The following MCTP2 variants were observed in gnomAD, a reference collection of about 807,000 sequenced individuals.
The protein encoded by MCTP2 is multiple C2 and transmembrane domain containing 2, also known as multiple C2 and transmembrane domain-containing protein 2.
Under a neutral mutation model 111.6 loss-of-function variants are expected in MCTP2, and 132 were observed. That is an observed-to-expected ratio of 1.18 (90% CI 1.03 to 1.37). The LOEUF (loss-of-function observed/expected upper bound fraction) is 1.37, where lower values mean the gene tolerates loss of function less well. Ranked by LOEUF, MCTP2 falls within the 40% of genes most tolerant of loss-of-function variation. The probability of loss-of-function intolerance (pLI) is 0.00; values close to 1 mark genes in which losing one functional copy is unlikely to be tolerated. For synonymous variants in MCTP2, 395 were observed against 387.7 expected, an observed-to-expected ratio of 1.02 and a Z score of -0.22; for missense variants, 1,183 against 1,067.9, an observed-to-expected ratio of 1.11 and a Z score of -1.50.
chr15:94,437,478 G>A (rs146097572), intron 17 of MCTP2, among the ~76,000 whole-genome samples: 249 of 151,932 alleles, frequency 1.6e-3, no homozygotes, highest in Non-Finnish European at 2.9e-3. Context: ...TGGAAAATCA[G>A]TACAGTGAAA....
chr15:94,295,855 C>T (rs1346667864), intron 1 of MCTP2, among the ~76,000 whole-genome samples: 1 of 150,944 alleles, frequency 6.6e-6, no homozygotes, highest in African/African-American at 2.4e-5. Context: ...TTCGAGGCCG[C>T]AGTGAGCTGT....
intron 14 of MCTP2, among the ~76,000 whole-genome samples, chr15:94,385,873 T>G (rs1407054621): frequency 6.6e-6 from 1 of 152,236 alleles, no homozygotes; most frequent in Non-Finnish European, 1.5e-5. Context: ...AAAACACACA[T>G]GTATTTCTTT....
At chr15:94,368,395 A>T (rs1567545315) in intron 11 of MCTP2, among the ~76,000 whole-genome samples, 1 of 152,194 alleles carries the variant, frequency 6.6e-6, no homozygotes, top group African/African-American at 2.4e-5. Flanking sequence ...CTGGCTTTCT[A>T]GGTGCCTTTA....
intron 19 of MCTP2, among the ~76,000 whole-genome samples, chr15:94,445,294 A>G (rs898844760): frequency 6.6e-6 from 1 of 152,168 alleles, no homozygotes; most frequent in Non-Finnish European, 1.5e-5. Flanking sequence ...TTTTTATTAT[A>G]GTATTTGAAT....
intron 14 of MCTP2, 40 bp from the exon 15 acceptor site, chr15:94,398,921 A>G (rs757509773): frequency 8.0e-7 from 1 of 1,248,084 alleles, no homozygotes; most frequent in African/African-American, 1.5e-5. Flanking sequence ...CCACATAGTA[A>G]TTTTGCACCA....
At chr15:94,233,329 A>G (rs966542160) in intron 1 of MCTP2, among the ~76,000 whole-genome samples, 3 of 152,088 alleles carry the variant, frequency 2.0e-5, no homozygotes, top group Admixed American at 2.0e-4. Context: ...AAAATTTATT[A>G]TGTCTCTTAA....
At chr15:94,313,876 C>A (rs944197350) in intron 2 of MCTP2, among the ~76,000 whole-genome samples, 2 of 152,204 alleles carry the variant, frequency 1.3e-5, no homozygotes, top group Non-Finnish European at 2.9e-5. Flanking sequence ...TCCTTCCGAA[C>A]GGACATGCTC....
chr15:94,428,668 C>T (rs1257225104), intron 17 of MCTP2, among the ~76,000 whole-genome samples: 1 of 152,072 alleles, frequency 6.6e-6, no homozygotes, highest in East Asian at 1.9e-4. Context: ...GTGTCTTAAC[C>T]TCACTTGTAT....
At chr15:94,429,386 G>C (rs112385267) in intron 17 of MCTP2, among the ~76,000 whole-genome samples, 2,541 of 152,198 alleles carry the variant, frequency 0.017, 83 homozygotes, top group African/African-American at 0.058. Flanking sequence ...CTTTCAAAGA[G>C]TTATGTCTCC....
chr15:94,415,558 G>A (rs1268317897), intron 17 of MCTP2, among the ~76,000 whole-genome samples: 2 of 152,070 alleles, frequency 1.3e-5, no homozygotes, highest in African/African-American at 4.8e-5. Flanking sequence ...ACCCCGTGCA[G>A]CATTCTCCTT....
At chr15:94,321,731 C>T (rs1383178034) in intron 4 of MCTP2, among the ~76,000 whole-genome samples, 2 of 152,180 alleles carry the variant, frequency 1.3e-5, no homozygotes, top group South Asian at 2.1e-4. Flanking sequence ...ACCCCTCATG[C>T]AGTCAGAAAC....
chr15:94,463,307 G>A (rs2085327574), intron 20 of MCTP2, among the ~76,000 whole-genome samples: 1 of 152,024 alleles, frequency 6.6e-6, no homozygotes, highest in South Asian at 2.1e-4. Flanking sequence ...TTTCTGTATA[G>A]AAGTCTGACT....
At chr15:94,268,908 A>G (rs12439652) in intron 1 of MCTP2, among the ~76,000 whole-genome samples, 142,206 of 152,086 alleles carry the variant, frequency 0.94, 66,548 homozygotes, top group Middle Eastern at 0.96. Flanking sequence ...CATGTTTGCC[A>G]GATTTCCACT....
At chr15:94,356,797 G>A (rs180771435) in intron 9 of MCTP2, among the ~76,000 whole-genome samples, 1 of 152,208 alleles carries the variant, frequency 6.6e-6, no homozygotes, top group East Asian at 1.9e-4. Flanking sequence ...AGTATGAAAA[G>A]TGATTTATTT....
chr15:94,409,167 G>A (rs1300499445), intron 17 of MCTP2, among the ~76,000 whole-genome samples: 10 of 152,148 alleles, frequency 6.6e-5, no homozygotes, highest in African/African-American at 2.4e-4. Flanking sequence ...CTAATCAGCT[G>A]CCAGTGCAAC....
chr15:94,450,325 G>A lies in MCTP2; in HGVS notation c.2250+7365G>A, dbSNP rs747343440. ...CCATTTTAATAGCACGAGCTGTGGC[G>A]TTGACTCCATGTGTGTGTGCGTGTG... On this transcript the variant is annotated intron_variant, in intron 19 of 22. Transcript: ENST00000357742. Among the ~76,000 whole-genome samples the A allele has an allele frequency of 2.2e-4, 33 of 152,316 alleles. No homozygotes were observed. The Middle Eastern group carries it at 0.014, about 63-fold the overall frequency.
In MCTP2 at chr15:94,476,541, C is replaced by A. The variant is rs1477679238; in HGVS notation, c.2471-155C>A. ...CACACTAATTTTTACTTGTGAATAT[C>A]CCCTCTCCCCCGAGTCAGGCGAGTT... is the stretch of plus-strand genomic sequence containing the variant. On this transcript the variant is annotated intron_variant, in intron 21 of 22. Coordinates refer to ENST00000357742, the MANE Select transcript of MCTP2 (RefSeq NM_001385001.1). The A allele has an allele frequency of 1.2e-5, 6 of 507,940 alleles. No homozygotes were observed. The East Asian group carries it at 2.0e-4, about 17-fold the overall frequency. 31.5% of individuals were successfully genotyped at this position (507,940 alleles called of 1,614,324 possible).
chr15:94,382,605 A>G (rs747467868), intron 12 of MCTP2, among the ~76,000 whole-genome samples: 1 of 152,242 alleles, frequency 6.6e-6, no homozygotes, highest in Non-Finnish European at 1.5e-5. Flanking sequence ...AAGTATCAGT[A>G]TCTCTATTGA....
At chr15:94,338,083 G>A (rs2077453422) in intron 4 of MCTP2, among the ~76,000 whole-genome samples, 1 of 152,160 alleles carries the variant, frequency 6.6e-6, no homozygotes, top group African/African-American at 2.4e-5. Context: ...TTATGATACA[G>A]TAGCCTAATT....
Sources: gnomAD v4.1 joint callset for allele counts (sites outside exome capture counted in the v4.1 genomes callset) on GRCh38, gnomAD v4.1.1 for gene constraint, MANE v1.5 for transcripts, NCBI Gene and HGNC (gene_info 2026-07-23, HGNC 2026-07-21) for gene names.